Variants in CDH4 observed in about 807,000 individuals in gnomAD.
CDH4 encodes cadherin-4.
A neutral mutation model predicts 86.0 loss-of-function variants in CDH4; 33 were observed. The ratio of observed to expected loss-of-function variants is 0.38; its 90% confidence interval spans 0.29 to 0.51. The LOEUF (loss-of-function observed/expected upper bound fraction) is 0.51. CDH4 is among the 20% of genes least tolerant of loss of function. The probability of loss-of-function intolerance (pLI) is 0.86; values close to 1 mark genes in which losing one functional copy is unlikely to be tolerated. For missense variants in CDH4, 1,114 were observed against 1,307.4 expected (o/e 0.85, Z 2.28); for synonymous variants, 555 against 549.4 (o/e 1.01, Z -0.14).
chr20:61,819,870 C>T (rs79856416), intron 4 of CDH4, among the ~76,000 whole-genome samples: 3,636 of 152,294 alleles, frequency 0.024, 111 homozygotes, highest in East Asian at 0.093. Flanking sequence ...GTTCAGCAGG[C>T]CTGGTCCTCA....
chr20:61,819,291 G>C (rs1373184793), intron 4 of CDH4, among the ~76,000 whole-genome samples: 1 of 152,242 alleles, frequency 6.6e-6, no homozygotes, highest in Admixed American at 6.5e-5. Flanking sequence ...CCCAGAAACT[G>C]CCCCCTTCTA....
chr20:61,599,765 T>C (rs2145742770), intron 2 of CDH4: 5 of 985,588 alleles, frequency 5.1e-6, no homozygotes, highest in Non-Finnish European at 6.0e-6. Flanking sequence ...TCCCACGCAC[T>C]GGCGCTCTGG....
intron 2 of CDH4, among the ~76,000 whole-genome samples, chr20:61,346,174 A>G (rs1167005099): frequency 1.3e-5 from 2 of 152,170 alleles, no homozygotes; most frequent in East Asian, 3.9e-4. Flanking sequence ...TGGTCATTCC[A>G]TTCTGTCAGG....
At chr20:61,369,356 TG>T (rs567136978) in intron 2 of CDH4, among the ~76,000 whole-genome samples, 40 of 139,540 alleles carry the variant, frequency 2.9e-4, no homozygotes, top group South Asian at 6.7e-4. Flanking sequence ...GAGGCTGAGG[TG>T]GGAGAATTGC....
chr20:61,626,161 C>T (rs1053532170), intron 2 of CDH4, among the ~76,000 whole-genome samples: 2 of 152,180 alleles, frequency 1.3e-5, no homozygotes, highest in African/African-American at 4.8e-5. Context: ...AGGGGACATT[C>T]TAGAGGTGGC....
intron 4 of CDH4, among the ~76,000 whole-genome samples, chr20:61,843,274 C>T (rs1476784922): frequency 6.6e-6 from 1 of 151,050 alleles, no homozygotes; most frequent in Non-Finnish European, 1.5e-5. Flanking sequence ...CAAGGTGAAA[C>T]CCCGTCTCTA....
chr20:61,883,312 T>C (rs975215600), intron 7 of CDH4, among the ~76,000 whole-genome samples: 1 of 152,190 alleles, frequency 6.6e-6, no homozygotes, highest in African/African-American at 2.4e-5. Context: ...ATGATACTCT[T>C]TGCTATTTGC....
In CDH4 at chr20:61,377,395, C is replaced by T. The variant is rs8118372; in HGVS notation, c.169+122458C>T. On this transcript the variant is annotated intron_variant, in intron 2 of 15. Transcript: ENST00000614565. This position sits in a 1 kb window ranked among gnomAD's most constrained non-coding sequence, Gnocchi z 4.0. The stretch of plus-strand genomic sequence containing the variant: ...TGAGTTGTGTGGTCCAGGGCTCTGC[C>T]GGCCCCGCCTCCTGGTTGCCCCATT... Among the ~76,000 whole-genome samples the T allele has an allele frequency of 0.016, 2,432 of 152,214 alleles. 26 individuals carry two copies. Among genetic ancestry groups the T allele is most frequent in the Middle Eastern group, 0.037 (11 of 294 alleles).
intron 2 of CDH4, among the ~76,000 whole-genome samples, chr20:61,515,032 C>T (rs1264050168): frequency 6.6e-6 from 1 of 152,246 alleles, no homozygotes; most frequent in Non-Finnish European, 1.5e-5. Context: ...CAGCTCTTCT[C>T]GGTTTCCTGC....
intron 2 of CDH4, among the ~76,000 whole-genome samples, chr20:61,274,204 C>T (rs1282275969): frequency 8.7e-6 from 1 of 115,142 alleles, no homozygotes; most frequent in Non-Finnish European, 1.7e-5. Context: ...GTACCATGTG[C>T]AGTTTGGGGG....
intron 2 of CDH4, among the ~76,000 whole-genome samples, chr20:61,450,598 G>A (rs1373370733): frequency 6.6e-6 from 1 of 152,004 alleles, no homozygotes; most frequent in African/African-American, 2.4e-5. Context: ...ATACGTTTGA[G>A]GTTCTATCTA....
At chr20:61,896,914 G>A (rs1292355090) in intron 8 of CDH4, among the ~76,000 whole-genome samples, 1 of 152,194 alleles carries the variant, frequency 6.6e-6, no homozygotes, top group African/African-American at 2.4e-5. Flanking sequence ...AGGAAGTGAT[G>A]GCAGGGAGGG....
chr20:61,574,651 C>A (rs2086369099), intron 2 of CDH4, among the ~76,000 whole-genome samples: 1 of 152,160 alleles, frequency 6.6e-6, no homozygotes, highest in South Asian at 2.1e-4. Context: ...TGAGAAGGTG[C>A]CACCTCCCCA....
intron 2 of CDH4, among the ~76,000 whole-genome samples, chr20:61,720,303 G>A (rs999748049): frequency 6.6e-6 from 1 of 152,176 alleles, no homozygotes; most frequent in African/African-American, 2.4e-5. Flanking sequence ...TCCTGCTCCG[G>A]ATTCCACAGC....
chr20:61,678,146 GTAGA>G (rs569354871), intron 2 of CDH4, among the ~76,000 whole-genome samples: 12 of 147,854 alleles, frequency 8.1e-5, no homozygotes, highest in Admixed American at 4.0e-4. Context: ...AGAAGGATAG[GTAGA>G]TAGATGGATG....
chr20:61,487,910 G>A (rs901190300), intron 2 of CDH4, among the ~76,000 whole-genome samples: 1 of 152,208 alleles, frequency 6.6e-6, no homozygotes, highest in South Asian at 2.1e-4. Context: ...AATACAAACT[G>A]AGGTCAGCTC....
intron 8 of CDH4, among the ~76,000 whole-genome samples, chr20:61,905,871 G>GA (rs1221742026): frequency 6.6e-6 from 1 of 151,920 alleles, no homozygotes; most frequent in Non-Finnish European, 1.5e-5. Flanking sequence ...CTGGCAGCTT[G>GA]AAAAAAAAGA....
At chr20:61,606,938 G>A (rs946207321) in intron 2 of CDH4, among the ~76,000 whole-genome samples, 4 of 152,338 alleles carry the variant, frequency 2.6e-5, no homozygotes, top group Admixed American at 2.0e-4. Flanking sequence ...TGATTTCTCC[G>A]ACTGGCCTGC....
At chr20:61,271,802 T>C (rs944797175) in intron 2 of CDH4, among the ~76,000 whole-genome samples, 1 of 152,138 alleles carries the variant, frequency 6.6e-6, no homozygotes, top group South Asian at 2.1e-4. Flanking sequence ...CTTTTTGCAA[T>C]GGAAAGATGA....
Sources: allele counts gnomAD v4.1 joint callset (sites outside exome capture counted in the v4.1 genomes callset), GRCh38; gene constraint gnomAD v4.1.1; non-coding constraint Gnocchi (gnomAD v3.1); transcripts MANE v1.5; gene names NCBI Gene and HGNC (gene_info 2026-07-23, HGNC 2026-07-21).